ARHGEF9: variants seen among roughly 807,000 people sequenced by gnomAD.
ARHGEF9 encodes the protein Cdc42 guanine nucleotide exchange factor 9, also known as rho guanine nucleotide exchange factor 9.
Under a neutral mutation model 41.3 loss-of-function variants are expected in ARHGEF9, and 2 were observed. The ratio of observed to expected loss-of-function variants is 0.05; its 90% CI spans 0.02 to 0.15. ARHGEF9 has a LOEUF of 0.15. Among genes scored for constraint, ARHGEF9 ranks in the 10% least tolerant of loss-of-function variants. The pLI is 1.00. For missense variants in ARHGEF9, 225 were observed against 424.7 expected (o/e 0.53, Z 4.13); for synonymous variants, 160 against 154.4 (o/e 1.04, Z -0.27).
At chrX:63,712,440 T>A (rs1556407470) in intron 2 of ARHGEF9, among the ~76,000 whole-genome samples, 2 of 111,728 alleles carry the variant, frequency 1.8e-5, no homozygotes, top group East Asian at 5.6e-4. Flanking sequence ...ACTATTATTA[T>A]TGGAAAATTG....
chrX:63,719,589 CA>C (rs2147594760), intron 2 of ARHGEF9: 1 of 293,991 alleles, frequency 3.4e-6, no homozygotes, highest in East Asian at 4.8e-5. Flanking sequence ...AAACTTGCAG[CA>C]ACTTACAGGG....
chrX:63,771,426 C>G (rs1165765091), intron 1 of ARHGEF9, among the ~76,000 whole-genome samples: 3 of 111,997 alleles, frequency 2.7e-5, no homozygotes, highest in Non-Finnish European at 3.8e-5. Flanking sequence ...CTTGGCTGAG[C>G]CACCGTGCTC....
intron 1 of ARHGEF9, chrX:63,755,272 G>T (rs781817737): frequency 1.1e-6 from 1 of 919,379 alleles, no homozygotes; most frequent in East Asian, 4.2e-5. Flanking sequence ...TTGCGCTGGC[G>T]TGCTAGCCGC....
intron 1 of ARHGEF9, among the ~76,000 whole-genome samples, chrX:63,778,401 C>T (rs1176076632): frequency 8.9e-6 from 1 of 112,161 alleles, no homozygotes; most frequent in Non-Finnish European, 1.9e-5. Context: ...CCTCCAGGCA[C>T]TTGATGGGAG....
At chrX:63,721,555 A>G (rs1361506891) in intron 2 of ARHGEF9, among the ~76,000 whole-genome samples, 1 of 110,300 alleles carries the variant, frequency 9.1e-6, no homozygotes, top group African/African-American at 3.3e-5. Flanking sequence ...GCCCAAAGTC[A>G]GAAAAAAAAG....
chrX:63,649,487 G>A (rs2048384167), intron 8 of ARHGEF9, among the ~76,000 whole-genome samples: 1 of 111,368 alleles, frequency 9.0e-6, no homozygotes, highest in Admixed American at 9.6e-5. Context: ...AGAGAAAGCA[G>A]GAAAGATCTT....
chrX:63,727,495 T>C (rs1167446658), intron 1 of ARHGEF9: 1 of 111,682 alleles, frequency 9.0e-6, no homozygotes, highest in Non-Finnish European at 1.9e-5. Flanking sequence ...ACTGTCAGAA[T>C]TGGACAGAAT....
intron 2 of ARHGEF9, 59 bp from the exon 3 acceptor site, chrX:63,706,508 G>C: frequency 8.9e-7 from 1 of 1,118,413 alleles, no homozygotes; most frequent in Non-Finnish European, 1.2e-6. Context: ...GAGGTTTCCA[G>C]GCAAGTAGAA....
At chrX:63,782,540 T>C (rs2056398907) in intron 1 of ARHGEF9, among the ~76,000 whole-genome samples, 1 of 112,561 alleles carries the variant, frequency 8.9e-6, no homozygotes, top group South Asian at 3.7e-4. Flanking sequence ...GATTTTATTC[T>C]GTAAAATCTT....
intron 1 of ARHGEF9, among the ~76,000 whole-genome samples, chrX:63,743,911 A>T (rs1258727732): frequency 8.9e-6 from 1 of 112,115 alleles, no homozygotes; most frequent in African/African-American, 3.3e-5. Context: ...GCTTATTTAA[A>T]AACAACAACA....
At chrX:63,699,765 C>T (rs1291923889) in intron 3 of ARHGEF9, among the ~76,000 whole-genome samples, 2 of 111,655 alleles carry the variant, frequency 1.8e-5, no homozygotes, top group South Asian at 3.7e-4. Flanking sequence ...TGAAATATTA[C>T]ATAGCAGTTA....
intron 1 of ARHGEF9, among the ~76,000 whole-genome samples, chrX:63,756,999 C>T (rs1433040375): frequency 8.9e-6 from 1 of 112,012 alleles, no homozygotes; most frequent in African/African-American, 3.3e-5. Context: ...AACTTTTCTC[C>T]CATTTGACTC....
intron 1 of ARHGEF9, among the ~76,000 whole-genome samples, chrX:63,784,765 G>A (rs1310186854): frequency 9.0e-6 from 1 of 110,548 alleles, no homozygotes; most frequent in Non-Finnish European, 1.9e-5. Flanking sequence ...AGCCTCCTGC[G>A]AGCTTCACTG....
intron 4 of ARHGEF9, among the ~76,000 whole-genome samples, chrX:63,679,832 C>T (rs782576577): frequency 9.0e-6 from 1 of 111,261 alleles, no homozygotes; most frequent in Admixed American, 9.5e-5. Flanking sequence ...CTGTATATCC[C>T]GGCCAGTGAA....
At chrX:63,646,254 T>A (rs1408867135) in intron 8 of ARHGEF9, among the ~76,000 whole-genome samples, 1 of 112,122 alleles carries the variant, frequency 8.9e-6, no homozygotes, top group East Asian at 2.8e-4. Flanking sequence ...TTTGTCAATT[T>A]TGGCTTTTGT....
At chrX:63,734,074 T>C (rs181801772) in intron 1 of ARHGEF9, among the ~76,000 whole-genome samples, 5 of 112,128 alleles carry the variant, frequency 4.5e-5, no homozygotes, top group Non-Finnish European at 7.5e-5. Context: ...ACCTTAGCAA[T>C]AGATGGTAAG....
intron 8 of ARHGEF9, among the ~76,000 whole-genome samples, chrX:63,646,839 A>G (rs2048122978): frequency 9.0e-6 from 1 of 111,680 alleles, no homozygotes; most frequent in Admixed American, 9.6e-5. Flanking sequence ...CATTTTCACA[A>G]TATTGATTCT....
chrX:63,642,715 T>C (rs1320968345), intron 9 of ARHGEF9: 1 of 111,971 alleles, frequency 8.9e-6, no homozygotes, highest in Non-Finnish European at 1.9e-5. Flanking sequence ...CTGATCATTT[T>C]GGATGGTGAC....
chrX:63,640,009 T>C (rs1602154072), intron 9 of ARHGEF9: 1 of 111,625 alleles, frequency 9.0e-6, no homozygotes, highest in Admixed American at 9.5e-5. Flanking sequence ...GATTCAAAAA[T>C]ACAGTTTGAT....
Sources: gnomAD v4.1 joint callset for allele counts (sites outside exome capture counted in the v4.1 genomes callset) on GRCh38, gnomAD v4.1.1 for gene constraint, MANE v1.5 for transcripts, NCBI Gene and HGNC (gene_info 2026-07-23, HGNC 2026-07-21) for gene names.